SLC38A12: variants seen among roughly 807,000 people sequenced by gnomAD.
SLC38A12 encodes putative sodium-coupled neutral amino acid transporter 12.
the SLC38A12 span, among the ~76,000 whole-genome samples, chr17:74,803,895 CTTTT>C: frequency 1.3e-5 from 2 of 152,194 alleles, no homozygotes; most frequent in African/African-American, 2.4e-5. Flanking sequence ...TCCCTGCCAC[CTTTT>C]TTATTTTTTA....
the SLC38A12 span, chr17:74,790,828 G>T: frequency 1.4e-6 from 1 of 718,172 alleles, no homozygotes; most frequent in Non-Finnish European, 2.3e-6. Context: ...GAAACATTAG[G>T]AAAAGTTTTC....
At chr17:74,809,966 G>A in the SLC38A12 span, among the ~76,000 whole-genome samples, 273 of 152,166 alleles carry the variant, frequency 1.8e-3, no homozygotes, top group Middle Eastern at 6.8e-3. Context: ...CTTTCCTCCC[G>A]ACCAGCCCCT....
chr17:74,794,586 G>T, the SLC38A12 span, among the ~76,000 whole-genome samples: 6 of 152,122 alleles, frequency 3.9e-5, no homozygotes, highest in African/African-American at 1.4e-4. Flanking sequence ...CAACTCTTTA[G>T]TAGCAATCTC....
chr17:74,780,206 G>A, the SLC38A12 span, among the ~76,000 whole-genome samples: 4 of 152,206 alleles, frequency 2.6e-5, no homozygotes, highest in Non-Finnish European at 5.9e-5. Context: ...CATTGCTTCC[G>A]CATCTTTGCT....
At chr17:74,831,722 C>T in the SLC38A12 span, among the ~76,000 whole-genome samples, 2 of 152,254 alleles carry the variant, frequency 1.3e-5, no homozygotes, top group African/African-American at 4.8e-5. Flanking sequence ...CCCCCCTGCA[C>T]ATCTGACTGT....
the SLC38A12 span, among the ~76,000 whole-genome samples, chr17:74,831,611 C>T: frequency 1.3e-5 from 2 of 152,152 alleles, no homozygotes; most frequent in South Asian, 4.1e-4. Flanking sequence ...CCACTCAGAG[C>T]GGGACTCCCA....
the SLC38A12 span, among the ~76,000 whole-genome samples, chr17:74,828,683 C>G: frequency 1.7e-4 from 26 of 152,310 alleles, no homozygotes; most frequent in Middle Eastern, 3.4e-3. Flanking sequence ...CTCACCAGAT[C>G]AGGCTGCCCT....
At chr17:74,809,879 G>A in the SLC38A12 span, among the ~76,000 whole-genome samples, 1 of 152,212 alleles carries the variant, frequency 6.6e-6, no homozygotes, top group Non-Finnish European at 1.5e-5. Flanking sequence ...GTGCCCCACT[G>A]TTGGCCAGTC....
the SLC38A12 span, chr17:74,838,886 G>A: frequency 2.0e-6 from 3 of 1,534,894 alleles, no homozygotes; most frequent in Non-Finnish European, 1.7e-6. Context: ...CCATTTTGCA[G>A]ATGGGCCCCC....
At chr17:74,804,147 T>G in the SLC38A12 span, among the ~76,000 whole-genome samples, 1 of 152,402 alleles carries the variant, frequency 6.6e-6, no homozygotes, top group East Asian at 1.9e-4. Context: ...GAGGCTGTGC[T>G]ATTCCCTGAA....
the SLC38A12 span, among the ~76,000 whole-genome samples, chr17:74,785,889 C>A: frequency 6.6e-6 from 1 of 152,224 alleles, no homozygotes; most frequent in African/African-American, 2.4e-5. Flanking sequence ...TCTTCCCTGG[C>A]AGGTTTACCT....
At chr17:74,807,208 G>A in the SLC38A12 span, among the ~76,000 whole-genome samples, 1 of 151,180 alleles carries the variant, frequency 6.6e-6, no homozygotes, top group Non-Finnish European at 1.5e-5. Context: ...AGGAGCGTTC[G>A]TCTAGTCCAC....
the SLC38A12 span, among the ~76,000 whole-genome samples, chr17:74,796,004 T>C: frequency 1.5e-4 from 23 of 152,324 alleles, no homozygotes; most frequent in Admixed American, 1.4e-3. Flanking sequence ...ACCTTACTCC[T>C]GGCCAGCCCA....
the SLC38A12 span, among the ~76,000 whole-genome samples, chr17:74,784,779 G>T: frequency 6.6e-6 from 1 of 152,060 alleles, no homozygotes. Context: ...CTGAAGTTGG[G>T]TGGGCAAGCG....
the SLC38A12 span, among the ~76,000 whole-genome samples, chr17:74,833,576 TAGAGGAGC>T: frequency 6.6e-6 from 1 of 152,102 alleles, no homozygotes; most frequent in African/African-American, 2.4e-5. Flanking sequence ...GCTGGGGAGT[TAGAGGAGC>T]AGAGAAGCAC....
the SLC38A12 span, chr17:74,837,492 T>G: frequency 1.0e-6 from 1 of 985,436 alleles, no homozygotes; most frequent in Non-Finnish European, 1.2e-6. Context: ...GTGCAGGTGG[T>G]CCTACTAGAG....
At chr17:74,785,110 G>A in the SLC38A12 span, among the ~76,000 whole-genome samples, 2 of 152,258 alleles carry the variant, frequency 1.3e-5, no homozygotes, top group Admixed American at 6.5e-5. Flanking sequence ...AGCATTATGC[G>A]CTCACCTTTG....
At chr17:74,836,372 G>T in the SLC38A12 span, 2 of 1,612,272 alleles carry the variant, frequency 1.2e-6, no homozygotes, top group African/African-American at 1.3e-5. The surrounding 1 kb of genome is among the most constrained non-coding windows in gnomAD (Gnocchi z 4.2). Context: ...GCACGTACCC[G>T]TGGGTGGTGG....
chr17:74,830,870 T>C, the SLC38A12 span, among the ~76,000 whole-genome samples: 2 of 152,190 alleles, frequency 1.3e-5, no homozygotes, highest in Non-Finnish European at 2.9e-5. Flanking sequence ...GGTGAATCAG[T>C]GTGGCGAGGC....
Sources: allele counts gnomAD v4.1 joint callset (sites outside exome capture counted in the v4.1 genomes callset), GRCh38; gene constraint gnomAD v4.1.1; non-coding constraint Gnocchi (gnomAD v3.1); transcripts MANE v1.5; gene names NCBI Gene and HGNC (gene_info 2026-07-23, HGNC 2026-07-21).